Variants in ADAM23 observed in about 807,000 individuals in gnomAD.
ADAM23 encodes the protein ADAM metallopeptidase domain 23.
ADAM23 carries 33 observed loss-of-function variants against 120.1 expected under a neutral mutation model. The observed-to-expected ratio is 0.27, with a 90% CI of 0.21 to 0.37. The LOEUF (loss-of-function observed/expected upper bound fraction) is 0.37. Among genes scored for constraint, ADAM23 ranks in the 10% least tolerant of loss-of-function variants. The probability of loss-of-function intolerance (pLI) is 1.00; values close to 1 mark genes in which losing one functional copy is unlikely to be tolerated. For missense variants in ADAM23, 862 were observed against 1,058.2 expected (o/e 0.81, Z 2.57); for synonymous variants, 367 against 375.2 (o/e 0.98, Z 0.25).
intron 21 of ADAM23, among the ~76,000 whole-genome samples, chr2:206,591,897 T>G (rs1698432620): frequency 6.6e-6 from 1 of 152,212 alleles, no homozygotes; most frequent in African/African-American, 2.4e-5. Context: ...TTCCCCAGAT[T>G]ACAAGTGGAA....
At chr2:206,595,979 C>A in intron 23 of ADAM23, 72 bp from the exon 24 acceptor site, 1 of 1,218,874 alleles carries the variant, frequency 8.2e-7, no homozygotes, top group Non-Finnish European at 1.2e-6. Context: ...GCCCCCGTGT[C>A]TCTTTTACAT....
intron 2 of ADAM23, among the ~76,000 whole-genome samples, chr2:206,469,761 C>T (rs1695616266): frequency 6.6e-6 from 1 of 152,170 alleles, no homozygotes; most frequent in Non-Finnish European, 1.5e-5. Context: ...CCACTTGACC[C>T]ACACTGGCCT....
chr2:206,579,514 T>C (rs1239805436), intron 18 of ADAM23, among the ~76,000 whole-genome samples: 4 of 152,208 alleles, frequency 2.6e-5, no homozygotes, highest in Non-Finnish European at 4.4e-5. Context: ...CTTTATGTTT[T>C]GTTTGCTTTA....
At chr2:206,598,243 C>G (rs1360572023) in intron 24 of ADAM23, among the ~76,000 whole-genome samples, 1 of 152,044 alleles carries the variant, frequency 6.6e-6, no homozygotes, top group Non-Finnish European at 1.5e-5. Flanking sequence ...GCTATTTCCT[C>G]AAGTGATGTA....
chr2:206,478,940 A>G (rs922635679), intron 2 of ADAM23, among the ~76,000 whole-genome samples: 6 of 152,162 alleles, frequency 3.9e-5, no homozygotes, highest in Non-Finnish European at 4.4e-5. Flanking sequence ...GGGTTCAGCC[A>G]TGGTCCCTGT....
chr2:206,455,076 C>T (rs1229667669), intron 2 of ADAM23, among the ~76,000 whole-genome samples: 2 of 152,256 alleles, frequency 1.3e-5, no homozygotes, highest in African/African-American at 2.4e-5. Context: ...TTCCCCTCTG[C>T]ACTGCCCTCA....
intron 18 of ADAM23, among the ~76,000 whole-genome samples, chr2:206,584,130 T>G (rs755440889): frequency 1.3e-5 from 2 of 152,166 alleles, no homozygotes; most frequent in Non-Finnish European, 2.9e-5. Flanking sequence ...TTGTCTCCCT[T>G]CTGTGTCTAG....
intron 24 of ADAM23, among the ~76,000 whole-genome samples, chr2:206,599,971 G>A (rs1698605497): frequency 1.3e-5 from 2 of 152,318 alleles, no homozygotes; most frequent in Non-Finnish European, 2.9e-5. Flanking sequence ...GGAGGCCAAG[G>A]CGGGCGGATC....
intron 17 of ADAM23, 138 bp from the exon 18 acceptor site, chr2:206,572,977 T>G: frequency 2.5e-6 from 2 of 805,404 alleles, no homozygotes; most frequent in Admixed American, 1.9e-5. Flanking sequence ...CAATAGGATA[T>G]TCTGTCTTGC....
intron 7 of ADAM23, 67 bp downstream of exon 7, chr2:206,547,568 T>C (rs1697424207): frequency 7.5e-7 from 1 of 1,342,166 alleles, no homozygotes; most frequent in Middle Eastern, 2.0e-4. Context: ...TGGAGCTCAG[T>C]AGATATGCAG....
chr2:206,445,450 T>C lies in ADAM23; in HGVS notation c.358T>C (p.Tyr120His), dbSNP rs2105845026. Residue 120 changes from tyrosine (Y) to histidine (H), a missense_variant, in exon 2 of 26, where the codon TAC (tyrosine) becomes CAC (histidine). Tyr to His is a moderately conservative substitution (Grantham distance 83). Around this residue, in one of 4 missense-constraint regions of ADAM23, gnomAD observed 225 missense variants for 204.0 expected, o/e 1.10. Coordinates refer to ENST00000264377, the MANE Select transcript of ADAM23 (RefSeq NM_003812.4). ...EITLPSRLIY[Y>H]INQDSESPYH... ...CACACTGCCTTCAAGACTCATATAT[T>C]ACATCAACCAAGACTCGGAAAGCCC... is the stretch of plus-strand genomic sequence containing the variant. 6.2e-7 allele frequency: 1 copy of C among 1,614,158 alleles called. No homozygotes were observed. Among genetic ancestry groups the C allele is most frequent in the South Asian group, 1.1e-5 (1 of 91,082 alleles).
Position 206,562,162 on chromosome 2 carries a change from C to T in ADAM23, c.1255-41C>T, listed in dbSNP as rs372058446. 8.5e-6 allele frequency: 13 copies of T among 1,535,772 alleles called. No homozygotes were observed. In the African/African-American group the frequency reaches 1.1e-4, roughly 13 times the overall value. ...GAAATAATAACTAGCTTTGTGCACTCTCTCAAATGTCTCCCACACACTTTC... is the reference window on the plus strand; with the variant it reads ...GAAATAATAACTAGCTTTGTGCACTTTCTCAAATGTCTCCCACACACTTTC... On this transcript the variant is annotated intron_variant, in intron 12 of 25. Coordinates refer to ENST00000264377, the MANE Select transcript of ADAM23 (RefSeq NM_003812.4).
rs532913745 is a variant in ADAM23 at position 206,499,653 on chromosome 2, TAAATA to T, written c.509+18354_509+18358del. Among the ~76,000 whole-genome samples the T allele has an allele frequency of 8.7e-5, 13 of 149,336 alleles. No individual in the cohort carries two copies. The South Asian group carries it at 1.9e-3, about 22-fold the overall frequency. ...TTAAAGTATAATAATAATAAGAAAA[TAAATA>T]AAATAAAAAAAATTTACATGTGATC... is the stretch of plus-strand genomic sequence containing the variant. On this transcript the variant is annotated intron_variant, in intron 3 of 25. Coordinates refer to ENST00000264377, the MANE Select transcript of ADAM23 (RefSeq NM_003812.4).
At chr2:206,572,097 A>G (rs1273038203) in intron 17 of ADAM23, among the ~76,000 whole-genome samples, 3 of 152,210 alleles carry the variant, frequency 2.0e-5, no homozygotes, top group Admixed American at 6.5e-5. Context: ...ATGAAATCCA[A>G]ATTAAATTGT....
In ADAM23 at chr2:206,520,650, G is replaced by A. The variant is rs144798133; in HGVS notation, c.510-10235G>A. Among the ~76,000 whole-genome samples, 102 of 152,180 alleles carry A rather than the reference G, an allele frequency of 6.7e-4. 1 individual carries two copies. Among genetic ancestry groups the A allele is most frequent in the African/African-American group, 2.1e-3 (86 of 41,504 alleles). ...TTAATGTCTTTGCTGGTCTCTTGCC[G>A]TTCTCTCCTGCTGCTAACATTAATT... On this transcript the variant is annotated intron_variant, in intron 3 of 25. Transcript: ENST00000264377.
intron 3 of ADAM23, among the ~76,000 whole-genome samples, chr2:206,484,415 T>C (rs1304865630): frequency 6.6e-6 from 1 of 152,122 alleles, no homozygotes; most frequent in African/African-American, 2.4e-5. Context: ...TTCTTTCTGG[T>C]GTTGTTTTTT....
At chr2:206,574,874 A>G (rs1698081557) in intron 18 of ADAM23, among the ~76,000 whole-genome samples, 1 of 152,170 alleles carries the variant, frequency 6.6e-6, no homozygotes, top group South Asian at 2.1e-4. Context: ...TAATTTATAC[A>G]TATTATGTCT....
At chr2:206,478,860 C>T (rs1473140969) in intron 2 of ADAM23, among the ~76,000 whole-genome samples, 2 of 152,108 alleles carry the variant, frequency 1.3e-5, no homozygotes, top group Admixed American at 6.6e-5. Context: ...GATTCTTATT[C>T]ATCTTTTGAG....
At chr2:206,564,183 T>A (rs749292532) in intron 13 of ADAM23, among the ~76,000 whole-genome samples, 6 of 151,994 alleles carry the variant, frequency 3.9e-5, no homozygotes, top group Non-Finnish European at 8.8e-5. Flanking sequence ...CCTCTCTCTA[T>A]ATATATACGT....
Sources: gnomAD v4.1 joint callset for allele counts (sites outside exome capture counted in the v4.1 genomes callset) on GRCh38, gnomAD v4.1.1 for gene constraint, gnomAD v4.1.1 regional missense constraint, MANE v1.5 for transcripts, NCBI Gene and HGNC (gene_info 2026-07-23, HGNC 2026-07-21) for gene names.